Variants in B3GALT1 observed in about 807,000 individuals in gnomAD.
The protein encoded by B3GALT1 is beta-1,3-galactosyltransferase 1.
In B3GALT1, 10 loss-of-function variants were observed where a neutral mutation model predicts 23.2. The ratio of observed to expected loss-of-function variants is 0.43; its 90% CI spans 0.27 to 0.73. The LOEUF (loss-of-function observed/expected upper bound fraction) is 0.73. B3GALT1 is among the 30% of genes least tolerant of loss of function. B3GALT1 has a pLI of 0.21. For synonymous variants in B3GALT1, 156 were observed against 141.5 expected (o/e 1.10, Z -0.73); for missense variants, 299 against 405.4 (o/e 0.74, Z 2.25).
rs1488923433 is a variant in B3GALT1 at position 167,444,845 on chromosome 2, T to A, written c.-510-45332T>A. ...CTGGATTCGTTGATTTTTTGAAGAGTTTTTTGTGTCTGTATCTCCTTCAGT... is the reference window on the plus strand; with the variant it reads ...CTGGATTCGTTGATTTTTTGAAGAGATTTTTGTGTCTGTATCTCCTTCAGT... On this transcript the variant is annotated intron_variant, in intron 1 of 4. Transcript: ENST00000392690. 2.0e-5 allele frequency among the ~76,000 whole-genome samples: 3 copies of A among 148,770 alleles called. No individual in the cohort carries two copies. The South Asian group carries it at 6.2e-4, about 31-fold the overall frequency.
intron 4 of B3GALT1, among the ~76,000 whole-genome samples, chr2:167,860,922 G>A (rs940521514): frequency 1.3e-5 from 2 of 148,480 alleles, no homozygotes; most frequent in South Asian, 2.1e-4. Flanking sequence ...TTTCACACTC[G>A]TGCTTCATTC....
chr2:167,859,440 T>C (rs1280567132), intron 4 of B3GALT1, among the ~76,000 whole-genome samples: 1 of 152,082 alleles, frequency 6.6e-6, no homozygotes, highest in Non-Finnish European at 1.5e-5. Context: ...AAGTATACTT[T>C]CTCCTCAGTG....
At chr2:167,852,273 T>A (rs1689916966) in intron 4 of B3GALT1, among the ~76,000 whole-genome samples, 2 of 152,184 alleles carry the variant, frequency 1.3e-5, no homozygotes, top group South Asian at 4.1e-4. Flanking sequence ...ATTTACACAT[T>A]ACTGCTCTTA....
intron 1 of B3GALT1, among the ~76,000 whole-genome samples, chr2:167,485,672 T>C (rs909032106): frequency 1.6e-4 from 24 of 152,302 alleles, no homozygotes; most frequent in African/African-American, 5.5e-4. Context: ...GACTGCCACA[T>C]CCTAGGAGCT....
At chr2:167,679,446 G>T (rs1364953059) in intron 3 of B3GALT1, among the ~76,000 whole-genome samples, 2 of 152,298 alleles carry the variant, frequency 1.3e-5, no homozygotes, top group East Asian at 1.9e-4. Flanking sequence ...TAGAGACAGG[G>T]TTTCTCCATG....
chr2:167,419,592 G>A (rs976439662), intron 1 of B3GALT1, among the ~76,000 whole-genome samples: 4 of 152,190 alleles, frequency 2.6e-5, no homozygotes, highest in South Asian at 2.1e-4. Context: ...ATCTGGGATG[G>A]TATTTCAGGG....
chr2:167,689,140 C>CAAAAAAAA (rs35745682), intron 3 of B3GALT1, among the ~76,000 whole-genome samples: 1 of 137,548 alleles, frequency 7.3e-6, no homozygotes. Context: ...CCAAAAAGAC[C>CAAAAAAAA]AAAAAAAAAA....
intron 3 of B3GALT1, among the ~76,000 whole-genome samples, chr2:167,741,877 A>T (rs1382105663): frequency 6.6e-6 from 1 of 152,196 alleles, no homozygotes; most frequent in African/African-American, 2.4e-5. Context: ...TGTGAAGGCA[A>T]CTTCATAACT....
At chr2:167,819,618 A>C (rs1456317391) in intron 4 of B3GALT1, among the ~76,000 whole-genome samples, 1 of 152,196 alleles carries the variant, frequency 6.6e-6, no homozygotes, top group African/African-American at 2.4e-5. Context: ...TAACCTTTCT[A>C]AACTACAGTT....
intron 2 of B3GALT1, among the ~76,000 whole-genome samples, chr2:167,514,341 A>G (rs1700070268): frequency 6.6e-6 from 1 of 152,230 alleles, no homozygotes; most frequent in African/African-American, 2.4e-5. Flanking sequence ...TTGGAACTGA[A>G]TAAGCAAAAT....
At chr2:167,353,464 G>T (rs894246183) in intron 1 of B3GALT1, among the ~76,000 whole-genome samples, 1 of 151,064 alleles carries the variant, frequency 6.6e-6, no homozygotes, top group Non-Finnish European at 1.5e-5. Context: ...TTTTTTTTCA[G>T]ATGGCCAAAT....
intron 1 of B3GALT1, among the ~76,000 whole-genome samples, chr2:167,417,514 A>G (rs906976918): frequency 6.6e-6 from 1 of 152,234 alleles, no homozygotes; most frequent in African/African-American, 2.4e-5. Context: ...TATAAGCAAC[A>G]GAAAATGGAC....
intron 3 of B3GALT1, among the ~76,000 whole-genome samples, chr2:167,760,864 C>T (rs1166177030): frequency 4.6e-5 from 7 of 152,172 alleles, no homozygotes; most frequent in Non-Finnish European, 1.0e-4. Flanking sequence ...AAAGAGGATA[C>T]AGATGTCACC....
At chr2:167,782,609 G>A (rs1688265070) in intron 3 of B3GALT1, among the ~76,000 whole-genome samples, 1 of 152,206 alleles carries the variant, frequency 6.6e-6, no homozygotes, top group African/African-American at 2.4e-5. Flanking sequence ...GCTCATCCAA[G>A]TGAATGTGGC....
intron 1 of B3GALT1, among the ~76,000 whole-genome samples, chr2:167,430,551 G>A (rs1360022606): frequency 2.0e-5 from 3 of 152,170 alleles, no homozygotes; most frequent in Non-Finnish European, 4.4e-5. Flanking sequence ...AGTGGAAGTG[G>A]TGAAAGATAG....
chr2:167,665,827 A>G (rs562157261), intron 3 of B3GALT1, among the ~76,000 whole-genome samples: 3 of 151,872 alleles, frequency 2.0e-5, no homozygotes, highest in Admixed American at 6.5e-5. Context: ...TATCATTTTT[A>G]TTGTGTCTAT....
Position 167,590,536 on chromosome 2 carries a change from A to AG in B3GALT1, c.-409-56367dup, listed in dbSNP as rs568168008. On this transcript the variant is annotated intron_variant, in intron 2 of 4. Transcript: ENST00000392690. ...GAAAAATAAAATAAAATAGAACCCA[A>AG]GGGGGGAAAAAAAAGAAATAACATG... 5.9e-5 allele frequency among the ~76,000 whole-genome samples: 9 copies of AG among 151,998 alleles called. No individual in the cohort carries two copies. In the East Asian group the frequency reaches 1.2e-3, roughly 20 times the overall value.
rs1210938094 is a variant in B3GALT1, at chr2:167,435,432, G to GCA, written c.-510-54744_-510-54743dup. On this transcript the variant is annotated intron_variant, in intron 1 of 4. Transcript: ENST00000392690. ...TAGCGTGCTTTAGAAACATATGCTTGCAAAAAAAAAAAAAAAAAAAAAAAA... is the reference window on the plus strand; with the variant it reads ...TAGCGTGCTTTAGAAACATATGCTTGCACAAAAAAAAAAAAAAAAAAAAAAAA... Among the ~76,000 whole-genome samples the GCA allele has an allele frequency of 7.0e-4, 7 of 10,062 alleles. No individual in the cohort carries two copies. The East Asian group carries it at 0.011, about 15-fold the overall frequency. 6.6% of individuals were successfully genotyped at this position (10,062 alleles called of 152,430 possible).
chr2:167,581,569 T>C (rs996102353), intron 2 of B3GALT1, among the ~76,000 whole-genome samples: 1 of 152,254 alleles, frequency 6.6e-6, no homozygotes, highest in Non-Finnish European at 1.5e-5. Flanking sequence ...CCAGATCTCC[T>C]AGTTCTTGTG....
Sources: gnomAD v4.1 joint callset for allele counts (sites outside exome capture counted in the v4.1 genomes callset) on GRCh38, gnomAD v4.1.1 for gene constraint, MANE v1.5 for transcripts, NCBI Gene and HGNC (gene_info 2026-07-23, HGNC 2026-07-21) for gene names.